The following POTEF variants were observed in gnomAD, a reference collection of about 807,000 sequenced individuals.
The protein encoded by POTEF is POTE ankyrin domain family member F.
POTEF carries 20 observed loss-of-function variants against 83.2 expected under a neutral mutation model. The observed-to-expected ratio is 0.24, with a 90% CI of 0.17 to 0.35. The LOEUF (loss-of-function observed/expected upper bound fraction) is 0.35, where lower values mean the gene tolerates loss of function less well. POTEF is among the 10% of genes least tolerant of loss of function. The pLI is 1.00. For synonymous variants in POTEF, 196 were observed against 446.4 expected (o/e 0.44, Z 7.07); for missense variants, 550 against 1,203.2 (o/e 0.46, Z 8.03).
At chr2:130,076,030 G>C (rs1307488480) in intron 16 of POTEF, among the ~76,000 whole-genome samples, 1 of 117,574 alleles carries the variant, frequency 8.5e-6, no homozygotes, top group African/African-American at 3.2e-5. Context: ...CATATATTTG[G>C]ACAGAAGCAA....
rs1685097785 is a variant in POTEF at position 130,126,556 on chromosome 2, T to A, written c.-94+1153A>T. Among the ~76,000 whole-genome samples the A allele has an allele frequency of 4.6e-5, 7 of 152,218 alleles. 1 individual carries two copies. In the South Asian group the frequency reaches 1.5e-3, roughly 32 times the overall value. On this transcript the variant is annotated intron_variant, in intron 2 of 16. Transcript: ENST00000409914. ...GCCAGAGGCTGCAATTTTTTGAATT[T>A]TTGCACGAGTGAAAAATCAAACCTT...
intron 5 of POTEF, among the ~76,000 whole-genome samples, chr2:130,113,654 C>G (rs1221107193): frequency 9.4e-4 from 119 of 126,258 alleles, no homozygotes; most frequent in Non-Finnish European, 1.7e-3. Flanking sequence ...CATGCACCAC[C>G]ATGCCTGGCT....
chr2:130,113,318 G>A (rs1684760092), intron 5 of POTEF, among the ~76,000 whole-genome samples: 1 of 108,966 alleles, frequency 9.2e-6, no homozygotes, highest in Admixed American at 1.1e-4. Flanking sequence ...TTCCAGCCTG[G>A]GAAACAGAGT....
intron 8 of POTEF, among the ~76,000 whole-genome samples, chr2:130,105,959 G>C (rs1464379165): frequency 2.0e-4 from 30 of 150,998 alleles, no homozygotes; most frequent in Admixed American, 5.9e-4. Flanking sequence ...CCTGGTTTGG[G>C]AATGAGCATG....
At chr2:130,122,655 T>C (rs1322672706) in intron 2 of POTEF, among the ~76,000 whole-genome samples, 2 of 151,576 alleles carry the variant, frequency 1.3e-5, no homozygotes, top group African/African-American at 4.9e-5. Flanking sequence ...CAATATTAAT[T>C]TTTTCAATTG....
intron 1 of POTEF, among the ~76,000 whole-genome samples, chr2:130,128,718 C>A (rs187821401): frequency 0.029 from 4,250 of 147,844 alleles, 12 homozygotes; most frequent in African/African-American, 0.097. Context: ...GTGCAGCACC[C>A]GACAACACTC....
intron 3 of POTEF, among the ~76,000 whole-genome samples, chr2:130,117,463 GA>G (rs1225339190): frequency 2.0e-5 from 3 of 151,832 alleles, no homozygotes; most frequent in Non-Finnish European, 4.4e-5. Context: ...AAGAGAAAGG[GA>G]AAAACTTCAC....
chr2:130,116,371 A>G (rs1201435575), intron 3 of POTEF, among the ~76,000 whole-genome samples: 2 of 148,994 alleles, frequency 1.3e-5, no homozygotes, highest in African/African-American at 5.1e-5. Context: ...TCAGGGGTAC[A>G]CGTGCCAGAT....
At chr2:130,103,102 CTT>C (rs60152509) in intron 8 of POTEF, among the ~76,000 whole-genome samples, 7 of 126,446 alleles carry the variant, frequency 5.5e-5, no homozygotes, top group Admixed American at 8.0e-5. Flanking sequence ...TTCTTTCTTT[CTT>C]TTTTTTTTTT....
At chr2:130,087,628 TA>T (rs376116433) in intron 13 of POTEF, among the ~76,000 whole-genome samples, 54,221 of 107,484 alleles carry the variant, frequency 0.5, 12,339 homozygotes, top group Admixed American at 0.58. Flanking sequence ...AAGAATCTAT[TA>T]AAATTTTTTT....
chr2:130,104,392 T>TA (rs1262784617), intron 8 of POTEF, among the ~76,000 whole-genome samples: 1 of 145,752 alleles, frequency 6.9e-6, no homozygotes. Context: ...ATAATCCTGG[T>TA]ACTCACTCTC....
intron 2 of POTEF, among the ~76,000 whole-genome samples, chr2:130,123,070 T>A: frequency 7.4e-6 from 1 of 135,574 alleles, no homozygotes; most frequent in South Asian, 2.6e-4. Context: ...TCTGTTGTAA[T>A]ACACTGATTG....
At chr2:130,107,449 G>A (rs3990562) in intron 8 of POTEF, among the ~76,000 whole-genome samples, 2 of 151,000 alleles carry the variant, frequency 1.3e-5, no homozygotes, top group African/African-American at 5.0e-5. Context: ...GGACCACGCA[G>A]AGCAGGGGTC....
rs1228804196 is a variant in POTEF, at chr2:130,100,795, T to TA, written c.1198-76dup. The TA allele has an allele frequency of 7.7e-6, 12 of 1,554,298 alleles. No individual in the cohort carries two copies. The Admixed American group carries it at 1.4e-4, about 18-fold the overall frequency. ...GTGTCCTCTTTTGGAGCGCATGTTT[T>TA]AAAAAAATTTTATTCTTAACTAATC... On this transcript the variant is annotated intron_variant, in intron 9 of 16. Coordinates refer to ENST00000409914, the MANE Select transcript of POTEF (RefSeq NM_001099771.2).
intron 8 of POTEF, among the ~76,000 whole-genome samples, chr2:130,106,100 G>T (rs1256947275): frequency 6.6e-6 from 1 of 151,014 alleles, no homozygotes; most frequent in Non-Finnish European, 1.5e-5. Flanking sequence ...GATGTTTGGA[G>T]CTGCTGCGGA....
Position 130,110,403 on chromosome 2 carries a change from T to C in POTEF, c.1055+140A>G. ...TGCTTTTTGTCTGATTTCTGGCTGATGCAGGGGACTAAAACTCACTGCCAC... is the reference window on the plus strand; with the variant it reads ...TGCTTTTTGTCTGATTTCTGGCTGACGCAGGGGACTAAAACTCACTGCCAC... On this transcript the variant is annotated intron_variant, in intron 7 of 16. Coordinates refer to ENST00000409914, the MANE Select transcript of POTEF (RefSeq NM_001099771.2). 2.5e-6 allele frequency: 4 copies of C among 1,576,780 alleles called. No homozygotes were observed. In the East Asian group the frequency reaches 8.9e-5, roughly 35 times the overall value.
intron 16 of POTEF, among the ~76,000 whole-genome samples, chr2:130,076,727 T>C (rs1399699938): frequency 3.3e-5 from 5 of 150,042 alleles, no homozygotes; most frequent in Non-Finnish European, 4.4e-5. Context: ...AAATAATCAA[T>C]TGACTTCTCT....
rs1302698410 is a variant in POTEF at position 130,076,151 on chromosome 2, A to G, written c.1900-579T>C. ...AATTACATTTATTTATAACTGTCAA[A>G]TAAGCACTGTACCCTTCTACACTGT... On this transcript the variant is annotated intron_variant, in intron 16 of 16. Transcript: ENST00000409914. Among the ~76,000 whole-genome samples the G allele has an allele frequency of 7.8e-5, 5 of 64,152 alleles. 2 individuals carry two copies. The highest frequency in any genetic ancestry group is 6.1e-4 in the Admixed American group (3 of 4,932). 42.1% of individuals were successfully genotyped at this position (64,152 alleles called of 152,430 possible).
In POTEF at chr2:130,108,091, A is replaced by C. The variant is rs1558890629; in HGVS notation, c.1056-12T>G. On this transcript the variant is annotated splice_polypyrimidine_tract_variant and intron_variant, in intron 7 of 16. Coordinates refer to ENST00000409914, the MANE Select transcript of POTEF (RefSeq NM_001099771.2). ...GTAACTGGCAAATTCTATGTATAAA[A>C]ATGTAATAAACCAAATTACTATTTT... The C allele has an allele frequency of 6.3e-7, 1 of 1,586,730 alleles. No individual in the cohort carries two copies. Among genetic ancestry groups the C allele is most frequent in the Non-Finnish European group, 8.5e-7 (1 of 1,170,896 alleles).
Sources: allele counts gnomAD v4.1 joint callset (sites outside exome capture counted in the v4.1 genomes callset), GRCh38; gene constraint gnomAD v4.1.1; transcripts MANE v1.5; gene names NCBI Gene and HGNC (gene_info 2026-07-23, HGNC 2026-07-21).